Variants in MITF observed in about 807,000 individuals in gnomAD.
The protein encoded by MITF is melanocyte inducing transcription factor, also known as microphthalmia-associated transcription factor.
In MITF, 17 loss-of-function variants were observed where a neutral mutation model predicts 60.5. The observed-to-expected ratio is 0.28, with a 90% CI of 0.19 to 0.42. The LOEUF (loss-of-function observed/expected upper bound fraction) is 0.42. Among genes scored for constraint, MITF ranks in the 10% least tolerant of loss-of-function variants. The pLI, the probability that MITF is intolerant of heterozygous loss-of-function variation, is 1.00. For synonymous variants in MITF, 260 were observed against 248.5 expected (o/e 1.05, Z -0.43); for missense variants, 622 against 683.5 (o/e 0.91, Z 1.00).
At chr3:69,956,997 A>G (rs1042612816) in intron 8 of MITF, among the ~76,000 whole-genome samples, 3 of 152,218 alleles carry the variant, frequency 2.0e-5, no homozygotes, top group African/African-American at 7.2e-5. Flanking sequence ...AATTATTTTT[A>G]TGAAAACTTG....
intron 2 of MITF, among the ~76,000 whole-genome samples, chr3:69,900,543 AC>A (rs2064973032): frequency 6.6e-6 from 1 of 152,172 alleles, no homozygotes; most frequent in South Asian, 2.1e-4. Context: ...ACTGGCTGAC[AC>A]TTGGCAAACC....
intron 1 of MITF, among the ~76,000 whole-genome samples, chr3:69,746,757 T>C (rs1254909955): frequency 6.6e-6 from 1 of 152,174 alleles, no homozygotes; most frequent in African/African-American, 2.4e-5. Flanking sequence ...ACTCCGAGGA[T>C]AGGAATTATA....
chr3:69,818,442 C>T (rs1423846359), intron 1 of MITF, among the ~76,000 whole-genome samples: 1 of 152,160 alleles, frequency 6.6e-6, no homozygotes, highest in Non-Finnish European at 1.5e-5. Context: ...CAAATCTTAG[C>T]TTCAGTATCC....
Position 69,941,324 on chromosome 3 carries a change from C to A in MITF, c.755C>A (p.Ala252Glu). The change falls in exon 5 of 10, where the codon GCA (alanine) becomes GAA (glutamate). Residue 252 changes from alanine to glutamate, a missense_variant. Coordinates refer to ENST00000352241, the MANE Select transcript of MITF (RefSeq NM_001354604.2). ...LGLMDPALQM[A>E]NTLPVSGNLI... ...TTGATGGATCCTGCTTTGCAAATGG[C>A]AAATACGGTATTGATAACCTTTTTT... 1 of 1,606,774 alleles carries A rather than the reference C, an allele frequency of 6.2e-7. No homozygotes were observed. Among genetic ancestry groups the A allele is most frequent in the Non-Finnish European group, 8.5e-7 (1 of 1,173,620 alleles).
chr3:69,839,385 T>A (rs1190787389), intron 1 of MITF, among the ~76,000 whole-genome samples: 1 of 151,986 alleles, frequency 6.6e-6, no homozygotes, highest in African/African-American at 2.4e-5. Flanking sequence ...ATTTTCTTTT[T>A]TTTTTTTTTA....
At chr3:69,819,647 A>AAAC (rs1481142603) in intron 1 of MITF, among the ~76,000 whole-genome samples, 2 of 152,028 alleles carry the variant, frequency 1.3e-5, no homozygotes, top group African/African-American at 2.4e-5. Flanking sequence ...ACAAACAAAC[A>AAAC]AACAAAAACT....
intron 1 of MITF, among the ~76,000 whole-genome samples, chr3:69,788,380 G>A (rs2062686340): frequency 6.8e-6 from 1 of 147,764 alleles, no homozygotes; most frequent in African/African-American, 2.5e-5. Flanking sequence ...GTGAGAACAT[G>A]CGGTGTTTGG....
At chr3:69,876,468 C>T (rs953642818) in intron 1 of MITF, among the ~76,000 whole-genome samples, 1 of 149,868 alleles carries the variant, frequency 6.7e-6, no homozygotes, top group Non-Finnish European at 1.5e-5. Flanking sequence ...CTTTTCTTGG[C>T]TTAGGAAGGT....
At chr3:69,785,303 C>T (rs10865653) in intron 1 of MITF, among the ~76,000 whole-genome samples, 110,881 of 151,902 alleles carry the variant, frequency 0.73, 40,993 homozygotes, top group Non-Finnish European at 0.79. Context: ...AGTAATTTAA[C>T]AGCAGTAGTG....
rs540216079 is a variant in MITF at position 69,786,771 on chromosome 3, G to A, written c.104+47070G>A. 6.7e-4 allele frequency among the ~76,000 whole-genome samples: 102 copies of A among 152,322 alleles called. 1 individual carries two copies. Among genetic ancestry groups the A allele is most frequent in the South Asian group, 6.0e-3 (29 of 4,826 alleles). On this transcript the variant is annotated intron_variant, in intron 1 of 9. Coordinates refer to ENST00000352241, the MANE Select transcript of MITF (RefSeq NM_001354604.2). The stretch of plus-strand genomic sequence containing the variant: ...TTTAAAAACAATTTCTTTAAAATTA[G>A]GGTTGGAGGAGCATATTAGGTAAAA...
At chr3:69,772,771 G>A (rs1343033343) in intron 1 of MITF, among the ~76,000 whole-genome samples, 4 of 152,002 alleles carry the variant, frequency 2.6e-5, no homozygotes, top group African/African-American at 9.7e-5. Flanking sequence ...TGAATTCTCT[G>A]GATTTGGGCC....
chr3:69,878,046 G>T (rs1345968388), intron 1 of MITF, among the ~76,000 whole-genome samples: 1 of 152,122 alleles, frequency 6.6e-6, no homozygotes, highest in South Asian at 2.1e-4. Flanking sequence ...GCAAACATTT[G>T]TTGAGCCAGT....
At chr3:69,850,264 G>A (rs1026598838) in intron 1 of MITF, among the ~76,000 whole-genome samples, 2 of 152,192 alleles carry the variant, frequency 1.3e-5, no homozygotes, top group Non-Finnish European at 2.9e-5. Flanking sequence ...GATATAGCCT[G>A]TGGCTTAAGA....
Position 69,967,828 on chromosome 3 carries a change from C to A in MITF, c.*2580C>A, listed in dbSNP as rs139487027. 4.3e-6 allele frequency: 1 copy of A among 233,042 alleles called. No individual in the cohort carries two copies. The highest frequency in any genetic ancestry group is 8.5e-6 in the Non-Finnish European group (1 of 117,918). The allele number at this position is 233,042 out of a possible 1,614,324, so 14.4% of individuals were successfully genotyped here. ...AAGAAAATGATCCACACCACTCCCC[C>A]GATTCCCGGGTGCAGAATTGTAACT... is the stretch of plus-strand genomic sequence containing the variant. On this transcript the variant is annotated 3_prime_UTR_variant, in exon 10 of 10. Transcript: ENST00000352241.
chr3:69,938,784 C>T (rs2065903222), intron 3 of MITF: 2 of 1,362,822 alleles, frequency 1.5e-6, no homozygotes, highest in South Asian at 3.2e-5. Flanking sequence ...ATTTACCGTA[C>T]TATGGACTAT....
chr3:69,787,292 G>T (rs2062666597), intron 1 of MITF, among the ~76,000 whole-genome samples: 1 of 152,168 alleles, frequency 6.6e-6, no homozygotes, highest in Non-Finnish European at 1.5e-5. Flanking sequence ...GAAACCTAGA[G>T]GAAAATCAGG....
chr3:69,829,698 C>A (rs1472603897), intron 1 of MITF, among the ~76,000 whole-genome samples: 9 of 137,096 alleles, frequency 6.6e-5, no homozygotes, highest in Non-Finnish European at 1.0e-4. Flanking sequence ...ACACACACAC[C>A]AACTGTCAGG....
intron 2 of MITF, among the ~76,000 whole-genome samples, chr3:69,896,644 C>A (rs2064882391): frequency 6.6e-6 from 1 of 152,114 alleles, no homozygotes; most frequent in African/African-American, 2.4e-5. Flanking sequence ...TCTTAATATG[C>A]CCTGCTATTC....
intron 1 of MITF, among the ~76,000 whole-genome samples, chr3:69,859,440 C>T (rs1425464968): frequency 6.6e-6 from 1 of 152,152 alleles, no homozygotes; most frequent in African/African-American, 2.4e-5. Context: ...TTCTTTATCT[C>T]AGTCCCTTCT....
Sources: gnomAD v4.1 joint callset for allele counts (sites outside exome capture counted in the v4.1 genomes callset) on GRCh38, gnomAD v4.1.1 for gene constraint, MANE v1.5 for transcripts, NCBI Gene and HGNC (gene_info 2026-07-23, HGNC 2026-07-21) for gene names.